The following NAV3 variants were observed in gnomAD, a reference collection of about 807,000 sequenced individuals.
NAV3 encodes neuron navigator 3.
A neutral mutation model predicts 244.7 loss-of-function variants in NAV3; 87 were observed. The observed-to-expected ratio is 0.36, with a 90% CI of 0.30 to 0.42. The LOEUF (loss-of-function observed/expected upper bound fraction) is 0.42. Among genes scored for constraint, NAV3 ranks in the 20% least tolerant of loss-of-function variants. The probability of loss-of-function intolerance (pLI) is 1.00; values close to 1 mark genes in which losing one functional copy is unlikely to be tolerated. For missense variants in NAV3, 2,663 were observed against 2,893.3 expected (o/e 0.92, Z 1.83); for synonymous variants, 1,126 against 1,042.2 (o/e 1.08, Z -1.55).
intron 1 of NAV3, among the ~76,000 whole-genome samples, chr12:77,904,618 A>G (rs943195265): frequency 6.6e-6 from 1 of 152,198 alleles, no homozygotes; most frequent in African/African-American, 2.4e-5. Flanking sequence ...CGTTGTGCAC[A>G]TGTACCCTAA....
intron 4 of NAV3, among the ~76,000 whole-genome samples, chr12:77,966,803 A>T (rs910459748): frequency 6.6e-6 from 1 of 152,090 alleles, no homozygotes; most frequent in African/African-American, 2.4e-5. Flanking sequence ...GTTATATATA[A>T]ATGTTTTAAA....
chr12:78,097,854 C>A (rs1954336786), intron 12 of NAV3, among the ~76,000 whole-genome samples: 1 of 151,972 alleles, frequency 6.6e-6, no homozygotes, highest in Non-Finnish European at 1.5e-5. Flanking sequence ...TTCACTTAAC[C>A]TTGAAATTAT....
intron 2 of NAV3, among the ~76,000 whole-genome samples, chr12:77,660,365 A>G (rs1221088032): frequency 6.6e-6 from 1 of 152,194 alleles, no homozygotes; most frequent in African/African-American, 2.4e-5. Context: ...ATATTGTAGT[A>G]TCATAAACTA....
intron 1 of NAV3, among the ~76,000 whole-genome samples, chr12:77,896,202 T>A (rs189987809): frequency 6.6e-6 from 1 of 152,268 alleles, no homozygotes; most frequent in African/African-American, 2.4e-5. Flanking sequence ...AGATTAACAG[T>A]GAACTCTGAA....
intron 2 of NAV3, among the ~76,000 whole-genome samples, chr12:77,716,497 T>C (rs1876369252): frequency 1.3e-5 from 2 of 151,910 alleles, no homozygotes; most frequent in African/African-American, 4.8e-5. Flanking sequence ...AAAAAAATTT[T>C]CATAATTTTT....
chr12:77,898,136 C>T (rs1483561111), intron 1 of NAV3, among the ~76,000 whole-genome samples: 1 of 152,180 alleles, frequency 6.6e-6, no homozygotes, highest in Non-Finnish European at 1.5e-5. Flanking sequence ...ATATCACACA[C>T]ACTTGAACAA....
At chr12:78,176,585 T>C (rs750669747) in intron 26 of NAV3, 126 bp downstream of exon 26, 5 of 862,944 alleles carry the variant, frequency 5.8e-6, no homozygotes, top group Non-Finnish European at 5.4e-6. Flanking sequence ...TGTCTTTTCT[T>C]TGTGTCTTTT....
intron 2 of NAV3, among the ~76,000 whole-genome samples, chr12:77,708,016 C>T (rs1010202714): frequency 6.6e-5 from 10 of 152,124 alleles, no homozygotes; most frequent in African/African-American, 2.2e-4. Flanking sequence ...GTTGCCTGTT[C>T]ACTCTGATGG....
intron 27 of NAV3, 79 bp downstream of exon 27, chr12:78,177,392 A>G (rs1337982969): frequency 1.4e-6 from 2 of 1,457,754 alleles, no homozygotes; most frequent in Non-Finnish European, 1.9e-6. Context: ...TGTTCTAACC[A>G]TATCTGTACC....
At chr12:77,737,359 A>G (rs763769954) in intron 2 of NAV3, among the ~76,000 whole-genome samples, 5 of 151,512 alleles carry the variant, frequency 3.3e-5, no homozygotes, top group Non-Finnish European at 7.4e-5. Flanking sequence ...CAGTAGGGAA[A>G]ATTGCCAACT....
intron 20 of NAV3, among the ~76,000 whole-genome samples, chr12:78,146,107 T>C (rs402423): frequency 0.053 from 8,071 of 152,204 alleles, 274 homozygotes; most frequent in Non-Finnish European, 0.072. Context: ...CTTTTAATTC[T>C]GTCTTTTGCT....
chr12:78,202,681 T>C (rs1959841326), intron 38 of NAV3, among the ~76,000 whole-genome samples: 1 of 152,020 alleles, frequency 6.6e-6, no homozygotes, highest in Admixed American at 6.6e-5. Context: ...TAGGTTAGTG[T>C]GAAAGATGAA....
chr12:77,793,541 G>A (rs1418262412), intron 2 of NAV3, among the ~76,000 whole-genome samples: 1 of 152,026 alleles, frequency 6.6e-6, no homozygotes, highest in Non-Finnish European at 1.5e-5. Context: ...TTTTCACTGT[G>A]CAGCTCCCAC....
At chr12:78,016,864 T>C (rs940634442) in intron 8 of NAV3, among the ~76,000 whole-genome samples, 2 of 152,152 alleles carry the variant, frequency 1.3e-5, no homozygotes, top group African/African-American at 4.8e-5. Flanking sequence ...TAATGATCAG[T>C]ACATAAAGAA....
intron 2 of NAV3, among the ~76,000 whole-genome samples, chr12:77,782,765 T>C (rs1249255390): frequency 1.3e-5 from 2 of 152,232 alleles, no homozygotes; most frequent in Non-Finnish European, 2.9e-5. Context: ...GTAGTATCCA[T>C]ATGTAATGGG....
chr12:77,842,734 A>G (rs886862575), intron 1 of NAV3, among the ~76,000 whole-genome samples: 3 of 152,012 alleles, frequency 2.0e-5, no homozygotes, highest in Admixed American at 6.6e-5. Flanking sequence ...GAAGAAGCTC[A>G]TATTACAATC....
At chr12:77,649,118 C>T (rs910600617) in intron 2 of NAV3, among the ~76,000 whole-genome samples, 3 of 152,054 alleles carry the variant, frequency 2.0e-5, no homozygotes, top group African/African-American at 7.2e-5. Context: ...AAGCCAACAG[C>T]TTTACAGAGA....
chr12:78,095,235 C>T (rs796312976), intron 12 of NAV3, among the ~76,000 whole-genome samples: 30 of 151,872 alleles, frequency 2.0e-4, no homozygotes, highest in African/African-American at 7.2e-4. Context: ...ACCTCTGTAC[C>T]AGAATGTCTT....
At chr12:78,156,211 T>C (rs894785707) in intron 22 of NAV3, among the ~76,000 whole-genome samples, 2 of 152,184 alleles carry the variant, frequency 1.3e-5, no homozygotes, top group Non-Finnish European at 2.9e-5. Context: ...ATTTTCTGTA[T>C]ATGGCTAGTC....
Sources: allele counts gnomAD v4.1 joint callset (sites outside exome capture counted in the v4.1 genomes callset), GRCh38; gene constraint gnomAD v4.1.1; transcripts MANE v1.5; gene names NCBI Gene and HGNC (gene_info 2026-07-23, HGNC 2026-07-21).